SKAP1: variants seen among roughly 807,000 people sequenced by gnomAD.
SKAP1 encodes the protein src kinase associated phosphoprotein 1, also known as src kinase-associated phosphoprotein 1.
Under a neutral mutation model 58.5 loss-of-function variants are expected in SKAP1, and 44 were observed. That is an observed-to-expected ratio of 0.75 (90% confidence interval 0.59 to 0.97). The LOEUF is 0.97. Ranked by LOEUF, SKAP1 falls within the 50% of genes least tolerant of loss-of-function variation. The pLI is 0.00. For synonymous variants in SKAP1, 127 were observed against 149.7 expected, an observed-to-expected ratio of 0.85 and a Z score of 1.11; for missense variants, 390 against 435.2, an observed-to-expected ratio of 0.90 and a Z score of 0.92.
chr17:48,166,692 AAG>A (rs2064145370), intron 10 of SKAP1, among the ~76,000 whole-genome samples: 1 of 152,188 alleles, frequency 6.6e-6, no homozygotes, highest in Non-Finnish European at 1.5e-5. Context: ...AGTTATGGAA[AAG>A]AGAGACAAAA....
At chr17:48,337,322 G>C (rs981021528) in intron 4 of SKAP1, among the ~76,000 whole-genome samples, 4 of 152,186 alleles carry the variant, frequency 2.6e-5, no homozygotes, top group Admixed American at 2.6e-4. Context: ...GTGTTAAATA[G>C]TGTTATTAAC....
chr17:48,443,355 C>T, the SKAP1 span, among the ~76,000 whole-genome samples: 1 of 152,208 alleles, frequency 6.6e-6, no homozygotes, highest in African/African-American at 2.4e-5. Flanking sequence ...CCTGAGGGTT[C>T]AGATCTTACC....
At chr17:48,328,592 G>T (rs1360444944) in intron 4 of SKAP1, among the ~76,000 whole-genome samples, 1 of 151,836 alleles carries the variant, frequency 6.6e-6, no homozygotes, top group East Asian at 1.9e-4. Context: ...ATTTACAGTG[G>T]GTGAATACTG....
chr17:48,373,436 A>G (rs1437209752), intron 2 of SKAP1, among the ~76,000 whole-genome samples: 1 of 152,178 alleles, frequency 6.6e-6, no homozygotes, highest in Non-Finnish European at 1.5e-5. Flanking sequence ...GAGCCAAACC[A>G]TATCACAGGT....
At chr17:48,156,515 G>A (rs762431069) in intron 11 of SKAP1, 37 of 524,582 alleles carry the variant, frequency 7.1e-5, no homozygotes, top group Middle Eastern at 3.2e-4. Context: ...GGGAGGAAGG[G>A]AAGTTTAGTC....
rs778817747 is a variant in SKAP1 at position 48,180,061 on chromosome 17, G to A, written c.819C>T (p.Val273=). The change falls in exon 9 of 13, where the codon GTC becomes GTT. Residue 273 remains valine, a synonymous_variant. Coordinates refer to ENST00000336915, the MANE Select transcript of SKAP1 (RefSeq NM_003726.4). ...EEKEEEDIYE[V]LPDEEHDLEE... is the part of the protein sequence containing the mutation. ...GAGGACAAAATTTCTCACCTGGCAA[G>A]ACTTCATAAATATCTTCTTCTTCTT... The A allele has an allele frequency of 6.3e-7, 1 of 1,587,132 alleles. No homozygotes were observed.
At chr17:48,176,212 G>A (rs2064287712) in intron 9 of SKAP1, among the ~76,000 whole-genome samples, 1 of 152,294 alleles carries the variant, frequency 6.6e-6, no homozygotes, top group African/African-American at 2.4e-5. Context: ...AATTCCCAAA[G>A]ATGGCTCGTC....
chr17:48,364,385 G>A (rs2066975918), intron 2 of SKAP1, among the ~76,000 whole-genome samples: 1 of 152,062 alleles, frequency 6.6e-6, no homozygotes, highest in South Asian at 2.1e-4. Flanking sequence ...AATTTTACAA[G>A]TGAAACATGG....
At chr17:48,299,176 T>G (rs1567858601) in intron 4 of SKAP1, among the ~76,000 whole-genome samples, 1 of 152,200 alleles carries the variant, frequency 6.6e-6, no homozygotes, top group Non-Finnish European at 1.5e-5. Flanking sequence ...TATAAACTCT[T>G]ATGTAGATTT....
intron 3 of SKAP1, among the ~76,000 whole-genome samples, chr17:48,353,788 T>C (rs1000111208): frequency 6.7e-6 from 1 of 149,062 alleles, no homozygotes; most frequent in Non-Finnish European, 1.5e-5. Flanking sequence ...CCCAGCTACT[T>C]GGGAGGCTGA....
intron 4 of SKAP1, among the ~76,000 whole-genome samples, chr17:48,305,382 A>G (rs2066125335): frequency 6.6e-6 from 1 of 152,168 alleles, no homozygotes; most frequent in Admixed American, 6.5e-5. Context: ...CACAGCCACA[A>G]TCATCCATCT....
intron 4 of SKAP1, among the ~76,000 whole-genome samples, chr17:48,281,616 G>T (rs945460329): frequency 6.6e-6 from 1 of 152,064 alleles, no homozygotes; most frequent in African/African-American, 2.4e-5. Flanking sequence ...AAAAGGAGAG[G>T]TTTAGAAAAT....
intron 4 of SKAP1, among the ~76,000 whole-genome samples, chr17:48,235,569 T>C (rs2143800065): frequency 6.6e-6 from 1 of 152,274 alleles, no homozygotes; most frequent in East Asian, 1.9e-4. Flanking sequence ...AACTGATAAG[T>C]GGACAATAGA....
intron 11 of SKAP1, among the ~76,000 whole-genome samples, chr17:48,155,281 C>T (rs563987931): frequency 1.3e-5 from 2 of 151,342 alleles, no homozygotes; most frequent in East Asian, 4.2e-4. Flanking sequence ...GCACGCGCCA[C>T]CATGCCTGGC....
intron 1 of SKAP1, among the ~76,000 whole-genome samples, chr17:48,419,229 T>G (rs139175315): frequency 6.6e-6 from 1 of 151,672 alleles, no homozygotes; most frequent in African/African-American, 2.4e-5. Context: ...ACCTAATAGA[T>G]GGATGAATGG....
intron 5 of SKAP1, 73 bp from the exon 6 acceptor site, chr17:48,187,999 C>G: frequency 9.4e-7 from 1 of 1,067,746 alleles, no homozygotes; most frequent in East Asian, 2.4e-5. Context: ...AATCCAACAA[C>G]ATACAGTCCA....
intron 9 of SKAP1, among the ~76,000 whole-genome samples, chr17:48,177,278 G>A (rs2064303317): frequency 6.6e-6 from 1 of 152,160 alleles, no homozygotes; most frequent in South Asian, 2.1e-4. Flanking sequence ...CTTCAAGGAG[G>A]TAACACTTCC....
At chr17:48,215,722 T>C (rs527999255) in intron 4 of SKAP1, among the ~76,000 whole-genome samples, 13 of 152,100 alleles carry the variant, frequency 8.5e-5, no homozygotes, top group Non-Finnish European at 1.9e-4. Context: ...TGGATGGACA[T>C]GACAGGCAGG....
chr17:48,238,714 C>T (rs1184840913), intron 4 of SKAP1, among the ~76,000 whole-genome samples: 1 of 152,170 alleles, frequency 6.6e-6, no homozygotes, highest in East Asian at 1.9e-4. Flanking sequence ...ACAGACTTTG[C>T]TTCATGAAGT....
Sources: gnomAD v4.1 joint callset for allele counts (sites outside exome capture counted in the v4.1 genomes callset) on GRCh38, gnomAD v4.1.1 for gene constraint, MANE v1.5 for transcripts, NCBI Gene and HGNC (gene_info 2026-07-23, HGNC 2026-07-21) for gene names.